KIF18A: variants seen among roughly 807,000 people sequenced by gnomAD.
The protein encoded by KIF18A is kinesin family member 18A.
Under a neutral mutation model 103.3 loss-of-function variants are expected in KIF18A, and 67 were observed. The ratio of observed to expected loss-of-function variants is 0.65; its 90% confidence interval spans 0.53 to 0.79. The LOEUF (loss-of-function observed/expected upper bound fraction) is 0.79, where lower values mean the gene tolerates loss of function less well. Among genes scored for constraint, KIF18A ranks in the 30% least tolerant of loss-of-function variants. The pLI is 0.00. For missense variants in KIF18A, 1,032 were observed against 1,062.5 expected, an observed-to-expected ratio of 0.97 and a Z score of 0.40; for synonymous variants, 367 against 355.5, an observed-to-expected ratio of 1.03 and a Z score of -0.36.
At chr11:28,052,177 C>T (rs570366978) in intron 13 of KIF18A, among the ~76,000 whole-genome samples, 13 of 152,082 alleles carry the variant, frequency 8.5e-5, no homozygotes, top group Middle Eastern at 3.2e-3. Flanking sequence ...AGTGCCTCCT[C>T]ATGTTTCAGC....
chr11:28,034,503 T>C (rs1850455818), intron 15 of KIF18A, among the ~76,000 whole-genome samples: 2 of 151,716 alleles, frequency 1.3e-5, no homozygotes. Flanking sequence ...TTCTTCATGG[T>C]GGTCCCTGAA....
intron 13 of KIF18A, among the ~76,000 whole-genome samples, chr11:28,040,417 C>CCA (rs1288319818): frequency 9.2e-5 from 14 of 151,692 alleles, no homozygotes; most frequent in African/African-American, 3.4e-4. Context: ...AAAACACTAT[C>CCA]TAACAATATT....
Position 28,094,762 on chromosome 11 carries a change from T to C in KIF18A, c.364A>G (p.Thr122Ala). 6.2e-7 allele frequency: 1 copy of C among 1,614,058 alleles called. No homozygotes were observed. The highest frequency in any genetic ancestry group is 1.1e-5 in the South Asian group (1 of 91,078). The change falls in exon 3 of 17, where the codon ACT becomes GCT. Residue 122 changes from threonine to alanine, a missense_variant. Coordinates refer to ENST00000263181, the MANE Select transcript of KIF18A (RefSeq NM_031217.4). Reference sequence around the variant, plus strand: ...GGTTCATCAGCTGATCCTAGCATAGTGTGGGTCTTCCCAGCACCAGTGGCA... The same window carrying C: ...GGTTCATCAGCTGATCCTAGCATAGCGTGGGTCTTCCCAGCACCAGTGGCA... Reference protein sequence around the residue: ...YGATGAGKTHTMLGSADEPGV... With the variant: ...YGATGAGKTHAMLGSADEPGV...
chr11:28,078,020 G>T (rs931445918), intron 9 of KIF18A, among the ~76,000 whole-genome samples: 14 of 151,950 alleles, frequency 9.2e-5, no homozygotes, highest in African/African-American at 2.9e-4. Context: ...ATATATTCAT[G>T]GTTTTAAGTC....
At chr11:28,085,476 T>C (rs770756870) in intron 6 of KIF18A, among the ~76,000 whole-genome samples, 2 of 152,060 alleles carry the variant, frequency 1.3e-5, no homozygotes, top group Admixed American at 6.6e-5. Context: ...ACAGAAGAAA[T>C]AGTGAAAGTC....
intron 9 of KIF18A, among the ~76,000 whole-genome samples, chr11:28,081,933 C>A (rs1359260800): frequency 6.6e-6 from 1 of 152,052 alleles, no homozygotes. Flanking sequence ...AGATTCCAAT[C>A]CTCATGGATA....
intron 14 of KIF18A, among the ~76,000 whole-genome samples, chr11:28,035,747 T>G (rs1850477410): frequency 6.6e-6 from 1 of 151,576 alleles, no homozygotes; most frequent in African/African-American, 2.4e-5. Context: ...CTTTCCATAT[T>G]TAGATTGGGT....
At chr11:28,024,189 GT>G in intron 15 of KIF18A, among the ~76,000 whole-genome samples, 1 of 78,592 alleles carries the variant, frequency 1.3e-5, no homozygotes, top group East Asian at 3.6e-4. Context: ...GTCACAAGAG[GT>G]TAAAAAAAAA....
chr11:28,086,780 C>G (rs1684331125), intron 6 of KIF18A, among the ~76,000 whole-genome samples: 1 of 152,112 alleles, frequency 6.6e-6, no homozygotes, highest in African/African-American at 2.4e-5. Context: ...TAAACATTGA[C>G]TCACAAATGA....
At chr11:28,059,421 G>A (rs1288491805) in intron 12 of KIF18A, among the ~76,000 whole-genome samples, 1 of 151,948 alleles carries the variant, frequency 6.6e-6, no homozygotes, top group Admixed American at 6.6e-5. Flanking sequence ...AGGGCTAAAT[G>A]AGTTAAGTAT....
intron 13 of KIF18A, among the ~76,000 whole-genome samples, chr11:28,053,648 TC>T (rs1338353600): frequency 3.9e-3 from 7 of 1,778 alleles, no homozygotes; most frequent in East Asian, 0.036. Flanking sequence ...ATGCTATCCC[TC>T]CCCCCTTTCC....
intron 1 of KIF18A, among the ~76,000 whole-genome samples, chr11:28,100,110 T>G (rs1468955358): frequency 6.6e-6 from 1 of 151,848 alleles, no homozygotes; most frequent in Non-Finnish European, 1.5e-5. Context: ...GGCTTGAGAA[T>G]TAGAAGGATA....
At chr11:28,027,528 A>C (rs1400351004) in intron 15 of KIF18A, among the ~76,000 whole-genome samples, 1 of 151,766 alleles carries the variant, frequency 6.6e-6, no homozygotes. Context: ...CTCCCTTCTG[A>C]GACACAAAAT....
At chr11:28,103,875 G>A (rs1275793708) in intron 1 of KIF18A, among the ~76,000 whole-genome samples, 1 of 152,050 alleles carries the variant, frequency 6.6e-6, no homozygotes, top group African/African-American at 2.4e-5. Flanking sequence ...TTCTTGTTTA[G>A]AAAATTAAAG....
At chr11:28,073,190 T>C (rs1251610438) in intron 10 of KIF18A, among the ~76,000 whole-genome samples, 2 of 152,152 alleles carry the variant, frequency 1.3e-5, no homozygotes, top group Non-Finnish European at 2.9e-5. Context: ...AGAGAAGGTA[T>C]GGCCACAGAT....
chr11:28,064,039 C>T (rs1850886983), intron 11 of KIF18A, among the ~76,000 whole-genome samples: 1 of 151,166 alleles, frequency 6.6e-6, no homozygotes, highest in South Asian at 2.1e-4. Context: ...GTCACTCATC[C>T]TATTTATATA....
chr11:28,058,870 A>C, intron 13 of KIF18A, 56 bp downstream of exon 13: 2 of 1,314,138 alleles, frequency 1.5e-6, no homozygotes, highest in African/African-American at 2.9e-5. Flanking sequence ...ATTGATATAC[A>C]AAGGTTCTCT....
chr11:28,055,296 A>G (rs1850764904), intron 13 of KIF18A, among the ~76,000 whole-genome samples: 1 of 152,216 alleles, frequency 6.6e-6, no homozygotes, highest in South Asian at 2.1e-4. Flanking sequence ...TCTGAAGGCA[A>G]CTAAAAGTCT....
intron 11 of KIF18A, among the ~76,000 whole-genome samples, chr11:28,068,208 G>A (rs1014542941): frequency 2.0e-5 from 3 of 152,064 alleles, no homozygotes; most frequent in Admixed American, 6.6e-5. Flanking sequence ...ACTCACAAGT[G>A]GGAGTTGAAC....
Sources: gnomAD v4.1 joint callset for allele counts (sites outside exome capture counted in the v4.1 genomes callset) on GRCh38, gnomAD v4.1.1 for gene constraint, MANE v1.5 for transcripts, NCBI Gene and HGNC (gene_info 2026-07-23, HGNC 2026-07-21) for gene names.